Variants in FAM90A20 observed in about 807,000 individuals in gnomAD.
FAM90A20 encodes family with sequence similarity 90 member A20.
At chr8:7,295,836 C>G in the FAM90A20 span, 1 of 779,296 alleles carries the variant, frequency 1.3e-6, no homozygotes, top group Non-Finnish European at 2.1e-6. Context: ...CCAAGGTGAG[C>G]AGTGGGAGGG....
At chr8:7,295,034 C>A in the FAM90A20 span, 1 of 30,514 alleles carries the variant, frequency 3.3e-5, no homozygotes, top group Admixed American at 3.0e-4. Context: ...GTCGGGACCC[C>A]ACATCTTGGG....
the FAM90A20 span, chr8:7,297,201 T>G: frequency 7.2e-6 from 11 of 1,534,402 alleles, no homozygotes; most frequent in African/African-American, 2.0e-5. Context: ...AAAGCCAGTC[T>G]GAGCTCCTCC....
the FAM90A20 span, chr8:7,296,492 C>G: frequency 1.5e-6 from 1 of 657,834 alleles, no homozygotes; most frequent in East Asian, 2.9e-5. Flanking sequence ...AATCGGGGAA[C>G]CCCTCTTTCT....
At chr8:7,295,607 A>G in the FAM90A20 span, 1 of 654,232 alleles carries the variant, frequency 1.5e-6, no homozygotes. Flanking sequence ...TCACTCACTG[A>G]CATCACTTCC....
chr8:7,297,584 A>G, the FAM90A20 span: 4,261 of 1,501,120 alleles, frequency 2.8e-3, 233 homozygotes, highest in Middle Eastern at 6.5e-3. Flanking sequence ...CCCCGAAAGC[A>G]CCATCCAGGG....
At chr8:7,296,771 T>C in the FAM90A20 span, among the ~76,000 whole-genome samples, 1 of 136,072 alleles carries the variant, frequency 7.3e-6, no homozygotes, top group Non-Finnish European at 1.5e-5. Context: ...ATTAGTCCGT[T>C]CCACTTCATG....
At chr8:7,297,424 G>T in the FAM90A20 span, 36 of 1,555,316 alleles carry the variant, frequency 2.3e-5, 4 homozygotes, top group Non-Finnish European at 1.4e-5. Context: ...GTCCTGCGGT[G>T]ACCTCACAGC....
the FAM90A20 span, among the ~76,000 whole-genome samples, chr8:7,296,807 C>T: frequency 2.9e-5 from 4 of 136,154 alleles, 2 homozygotes; most frequent in Non-Finnish European, 6.0e-5. Context: ...GCACTTTGAT[C>T]CAGTTAATGC....
chr8:7,296,324 T>A, the FAM90A20 span: 4 of 740,052 alleles, frequency 5.4e-6, no homozygotes, highest in South Asian at 5.5e-5. Flanking sequence ...CTCCTCCACA[T>A]GTTTTCCGGG....
At chr8:7,297,444 C>T in the FAM90A20 span, 16 of 1,554,212 alleles carry the variant, frequency 1.0e-5, 2 homozygotes, top group African/African-American at 1.9e-5. Context: ...CCCTGCCCAT[C>T]AGCCGCCACA....
At chr8:7,297,479 C>T in the FAM90A20 span, 3 of 1,541,160 alleles carry the variant, frequency 1.9e-6, no homozygotes, top group South Asian at 3.3e-5. Context: ...AGGCTCCAAT[C>T]TCAGCTTTGG....
the FAM90A20 span, chr8:7,297,805 C>G: frequency 9.2e-6 from 11 of 1,191,888 alleles, no homozygotes; most frequent in Middle Eastern, 2.7e-4. Context: ...CCCAGCCTCT[C>G]AGAGTGCTCT....
At chr8:7,297,668 C>A in the FAM90A20 span, 4 of 1,389,224 alleles carry the variant, frequency 2.9e-6, no homozygotes, top group South Asian at 2.3e-5. Flanking sequence ...TAGGTCGCCC[C>A]AGATGGGCAG....
At chr8:7,296,541 T>G in the FAM90A20 span, 1 of 610,610 alleles carries the variant, frequency 1.6e-6, no homozygotes, top group Non-Finnish European at 3.0e-6. Context: ...TCCTTGCAGG[T>G]CAGTTTGATT....
At chr8:7,297,863 C>T in the FAM90A20 span, 678 of 824,370 alleles carry the variant, frequency 8.2e-4, 47 homozygotes, top group South Asian at 7.4e-3. Flanking sequence ...CCTGGCGGCC[C>T]CCTCATTTCA....
the FAM90A20 span, chr8:7,296,506 C>A: frequency 3.1e-6 from 2 of 644,562 alleles, no homozygotes; most frequent in South Asian, 1.5e-5. Context: ...TCTTTCTTGT[C>A]TTCTTGGGGT....
chr8:7,295,824 G>C, the FAM90A20 span: 296 of 918,924 alleles, frequency 3.2e-4, 22 homozygotes, highest in Non-Finnish European at 4.5e-4. Flanking sequence ...AAGGAAGAGA[G>C]ACCAAGGTGA....
At chr8:7,297,772 C>G in the FAM90A20 span, 6 of 1,456,782 alleles carry the variant, frequency 4.1e-6, no homozygotes, top group South Asian at 2.3e-5. Flanking sequence ...TGTCCCATCA[C>G]CCAGCGGCCA....
the FAM90A20 span, among the ~76,000 whole-genome samples, chr8:7,296,892 C>G: frequency 3.2e-4 from 44 of 137,094 alleles, 13 homozygotes; most frequent in African/African-American, 1.5e-3. Flanking sequence ...GTTCATGTGT[C>G]TTTTCCTGAT....
Sources: allele counts gnomAD v4.1 joint callset (sites outside exome capture counted in the v4.1 genomes callset), GRCh38; gene constraint gnomAD v4.1.1; transcripts MANE v1.5; gene names NCBI Gene and HGNC (gene_info 2026-07-23, HGNC 2026-07-21).